The following CLIC6 variants were observed in gnomAD, a reference collection of about 807,000 sequenced individuals.
The protein encoded by CLIC6 is CLIC family member 6.
CLIC6 carries 39 observed loss-of-function variants against 49.2 expected under a neutral mutation model. That is an observed-to-expected ratio of 0.79 (90% CI 0.61 to 1.04). The LOEUF is 1.04. Ranked by LOEUF, CLIC6 falls within the 50% of genes least tolerant of loss-of-function variation. The pLI is 0.00. For synonymous variants in CLIC6, 446 were observed against 433.4 expected, an observed-to-expected ratio of 1.03 and a Z score of -0.36; for missense variants, 988 against 993.1, an observed-to-expected ratio of 0.99 and a Z score of 0.07.
chr21:34,680,362 A>C (rs1455048016), intron 1 of CLIC6, among the ~76,000 whole-genome samples: 1 of 152,186 alleles, frequency 6.6e-6, no homozygotes, highest in African/African-American at 2.4e-5. Context: ...GTGGCCCATG[A>C]AACCATTTTT....
Position 34,716,862 on chromosome 21 carries a change from T to TCACACA in CLIC6, c.*413_*418dup, listed in dbSNP as rs10541127. ...CTCTCTCTCTCTCTCTCTCTCTCTA[T>TCACACA]CACACACACACACACACACACACAC... On this transcript the variant is annotated 3_prime_UTR_variant, in exon 6 of 6. Transcript: ENST00000349499. 25,195 of 131,392 alleles carry TCACACA rather than the reference T, an allele frequency of 0.19. 2,211 individuals are homozygous for TCACACA. Among genetic ancestry groups the TCACACA allele is most frequent in the Non-Finnish European group, 0.21 (13,408 of 64,888 alleles). 8.1% of individuals were successfully genotyped at this position (131,392 alleles called of 1,614,324 possible).
intron 1 of CLIC6, among the ~76,000 whole-genome samples, chr21:34,686,950 C>T (rs536646391): frequency 7.9e-5 from 12 of 152,320 alleles, no homozygotes; most frequent in South Asian, 2.1e-4. Flanking sequence ...CAGTGCCACA[C>T]GGAACAGAAG....
At chr21:34,702,727 C>G (rs1337532188) in intron 1 of CLIC6, among the ~76,000 whole-genome samples, 1 of 152,164 alleles carries the variant, frequency 6.6e-6, no homozygotes, top group Admixed American at 6.5e-5. Context: ...CACTGGGCAT[C>G]CAGCAAAAGG....
chr21:34,681,629 C>G (rs750468142), intron 1 of CLIC6, among the ~76,000 whole-genome samples: 2 of 152,100 alleles, frequency 1.3e-5, no homozygotes, highest in Middle Eastern at 3.2e-3. Flanking sequence ...TTTTTTTTAC[C>G]ACTTGGGCCT....
intron 5 of CLIC6, among the ~76,000 whole-genome samples, chr21:34,710,777 A>C (rs764990812): frequency 6.6e-6 from 1 of 152,082 alleles, no homozygotes; most frequent in Non-Finnish European, 1.5e-5. Flanking sequence ...CACACCACTG[A>C]ACTCCAGCTT....
intron 1 of CLIC6, among the ~76,000 whole-genome samples, chr21:34,680,227 C>A (rs184772696): frequency 1.8e-3 from 267 of 152,360 alleles, no homozygotes; most frequent in African/African-American, 6.2e-3. Flanking sequence ...TGGAAGCTAC[C>A]AAGGCTTGGG....
At chr21:34,672,889 C>T (rs936304479) in intron 1 of CLIC6, among the ~76,000 whole-genome samples, 2 of 152,190 alleles carry the variant, frequency 1.3e-5, no homozygotes, top group African/African-American at 4.8e-5. Flanking sequence ...TTACACAAAG[C>T]ACTTAGAAAA....
chr21:34,705,257 C>G (rs2056006430), intron 1 of CLIC6, among the ~76,000 whole-genome samples: 1 of 152,092 alleles, frequency 6.6e-6, no homozygotes, highest in Non-Finnish European at 1.5e-5. Flanking sequence ...AAGAAAGTTC[C>G]ACGGTTTAAG....
chr21:34,715,273 T>TGA (rs1268377390), intron 5 of CLIC6, among the ~76,000 whole-genome samples: 2 of 152,224 alleles, frequency 1.3e-5, no homozygotes, highest in African/African-American at 2.4e-5. Context: ...GCTCAGAATG[T>TGA]GACCTTATTT....
Position 34,670,398 on chromosome 21 carries a change from CG to C in CLIC6, c.1015del (p.Val339Ter). The C allele has an allele frequency of 6.9e-7, 1 of 1,457,092 alleles. No homozygotes were observed. Among genetic ancestry groups the C allele is most frequent in the African/African-American group, 1.5e-5 (1 of 68,300 alleles). 90.3% of individuals were successfully genotyped at this position (1,457,092 alleles called of 1,614,324 possible). A position where few individuals can be genotyped will look rare whatever the true frequency, so the allele number is the denominator to read the frequency against. Reference sequence around the variant, plus strand: ...GACGCAGCGGAGGAGGCGGAGGTCCCGGGGGTAAAGGGGTCCGAAGAAGCGG... The same window carrying C: ...GACGCAGCGGAGGAGGCGGAGGTCCCGGGGTAAAGGGGTCCGAAGAAGCGG... ...AWDAAEEAEVPGVKGSEEAAP... is the reference protein window; with the variant it reads ...AWDAAEEAEVXGVKGSEEAAP... On this transcript the variant is annotated frameshift_variant, in exon 1 of 6. Transcript: ENST00000349499. LOFTEE classifies it high-confidence loss of function.
At chr21:34,712,314 T>C (rs1267178564) in intron 5 of CLIC6, among the ~76,000 whole-genome samples, 1 of 152,100 alleles carries the variant, frequency 6.6e-6, no homozygotes, top group Non-Finnish European at 1.5e-5. Context: ...GCAAAAACAA[T>C]ATCAAAATAG....
Position 34,717,935 on chromosome 21 carries a change from G to A in CLIC6, c.*1453G>A, listed in dbSNP as rs1257047294. 7 of 152,292 alleles carry A rather than the reference G, an allele frequency of 4.6e-5. No homozygotes were observed. The highest frequency in any genetic ancestry group is 7.3e-5 in the Non-Finnish European group (5 of 68,034). The allele number at this position is 152,292 out of a possible 1,614,324, so 9.4% of individuals were successfully genotyped here. On this transcript the variant is annotated 3_prime_UTR_variant, in exon 6 of 6. Coordinates refer to ENST00000349499, the MANE Select transcript of CLIC6 (RefSeq NM_053277.3). The stretch of plus-strand genomic sequence containing the variant: ...AGTCTTTAATAGAGTGGCCTCTTTC[G>A]CTCTTCGATTATGACTGCTGCAGTT...
At chr21:34,691,003 T>C (rs1989982445) in intron 1 of CLIC6, among the ~76,000 whole-genome samples, 2 of 152,026 alleles carry the variant, frequency 1.3e-5, no homozygotes, top group South Asian at 4.1e-4. Context: ...CTTCCTCTCG[T>C]GTGGGTCAAA....
chr21:34,716,252 G>A lies in CLIC6; in HGVS notation c.1900-69G>A, dbSNP rs140241962. 5 of 1,300,488 alleles carry A rather than the reference G, an allele frequency of 3.8e-6. No individual in the cohort carries two copies. In the African/African-American group the frequency reaches 5.9e-5, roughly 15 times the overall value. The allele number at this position is 1,300,488 out of a possible 1,614,324, so 80.6% of individuals were successfully genotyped here. ...AATGTATTGCATGCCTCAGAAGAATGGACTGTCTGACTTGGGAGCCTACCT... is the reference window on the plus strand; with the variant it reads ...AATGTATTGCATGCCTCAGAAGAATAGACTGTCTGACTTGGGAGCCTACCT... On this transcript the variant is annotated intron_variant, in intron 5 of 5. Transcript: ENST00000349499.
chr21:34,705,203 C>T (rs1211947587), intron 1 of CLIC6, among the ~76,000 whole-genome samples: 1 of 152,152 alleles, frequency 6.6e-6, no homozygotes, highest in Non-Finnish European at 1.5e-5. Context: ...TTCTTCTCCC[C>T]GCTCCGCCTT....
intron 1 of CLIC6, chr21:34,705,932 T>C: frequency 3.8e-6 from 2 of 523,036 alleles, no homozygotes; most frequent in Non-Finnish European, 6.8e-6. Context: ...ATGTTAAAAA[T>C]TCACATTCCT....
intron 1 of CLIC6, among the ~76,000 whole-genome samples, chr21:34,690,075 T>C (rs1459325109): frequency 6.6e-6 from 1 of 152,194 alleles, no homozygotes; most frequent in Admixed American, 6.5e-5. Flanking sequence ...CAGGAACTTG[T>C]TTGGAGCTTC....
intron 1 of CLIC6, among the ~76,000 whole-genome samples, chr21:34,688,473 G>A (rs1192999949): frequency 3.3e-5 from 5 of 152,246 alleles, no homozygotes; most frequent in African/African-American, 7.2e-5. Flanking sequence ...AAGCAGAGAC[G>A]CCTTACAGAT....
intron 1 of CLIC6, among the ~76,000 whole-genome samples, chr21:34,679,993 C>T (rs1306138945): frequency 6.6e-6 from 1 of 152,226 alleles, no homozygotes; most frequent in African/African-American, 2.4e-5. Context: ...TTGACCTATT[C>T]TCACAGCCCT....
Sources: allele counts gnomAD v4.1 joint callset (sites outside exome capture counted in the v4.1 genomes callset), GRCh38; gene constraint gnomAD v4.1.1; transcripts MANE v1.5; gene names NCBI Gene and HGNC (gene_info 2026-07-23, HGNC 2026-07-21).